LRPPRC: variants seen among roughly 807,000 people sequenced by gnomAD.
LRPPRC encodes the protein leucine rich pentatricopeptide repeat containing.
A neutral mutation model predicts 180.3 loss-of-function variants in LRPPRC; 120 were observed. The ratio of observed to expected loss-of-function variants is 0.67; its 90% CI spans 0.57 to 0.77. LRPPRC has a LOEUF of 0.77. Ranked by LOEUF, LRPPRC falls within the 30% of genes least tolerant of loss-of-function variation. LRPPRC has a pLI of 0.00. For synonymous variants in LRPPRC, 723 were observed against 600.0 expected, an observed-to-expected ratio of 1.21 and a Z score of -3.00; for missense variants, 2,012 against 1,657.2, an observed-to-expected ratio of 1.21 and a Z score of -3.72.
chr2:43,909,923 G>A (rs1671198613), intron 30 of LRPPRC, among the ~76,000 whole-genome samples: 1 of 152,160 alleles, frequency 6.6e-6, no homozygotes, highest in South Asian at 2.1e-4. Context: ...AACCTTGGTA[G>A]ATCAAGATCC....
rs140977797 is a variant in LRPPRC at position 43,887,916 on chromosome 2, C to A, written c.*684G>T. 2.0e-5 allele frequency: 3 copies of A among 152,562 alleles called. No homozygotes were observed. The highest frequency in any genetic ancestry group is 2.0e-4 in the Admixed American group (3 of 15,296). The allele number at this position is 152,562 out of a possible 1,614,324, so 9.5% of individuals were successfully genotyped here. On this transcript the variant is annotated 3_prime_UTR_variant, in exon 38 of 38. Transcript: ENST00000260665. ...TGAGAGGAAACACATTGCTCTACTT[C>A]GGGATAAGTCATGACCGAGACTCAA...
At chr2:43,931,309 G>A (rs1289643554) in intron 25 of LRPPRC, among the ~76,000 whole-genome samples, 1 of 152,128 alleles carries the variant, frequency 6.6e-6, no homozygotes, top group Non-Finnish European at 1.5e-5. Context: ...AGCCTACAGA[G>A]GATGTATCTG....
At chr2:43,923,366 C>T (rs779189038) in intron 27 of LRPPRC, among the ~76,000 whole-genome samples, 1 of 152,024 alleles carries the variant, frequency 6.6e-6, no homozygotes, top group Non-Finnish European at 1.5e-5. Flanking sequence ...GTGGCACATG[C>T]CTGTACTCCC....
rs555644282 is a variant in LRPPRC, at chr2:43,937,448, C to T, written c.2505-2570G>A. Among the ~76,000 whole-genome samples, 3 of 152,208 alleles carry T rather than the reference C, an allele frequency of 2.0e-5. No individual in the cohort carries two copies. The South Asian group carries it at 6.2e-4, about 32-fold the overall frequency. ...TTTAAAAGACAAAAATTTACATTCC[C>T]CACATAATTTATGTCACTATTAATC... On this transcript the variant is annotated intron_variant, in intron 23 of 37. Coordinates refer to ENST00000260665, the MANE Select transcript of LRPPRC (RefSeq NM_133259.4).
At chr2:43,907,613 T>C (rs979064192) in intron 30 of LRPPRC, among the ~76,000 whole-genome samples, 4 of 152,178 alleles carry the variant, frequency 2.6e-5, no homozygotes, top group Admixed American at 2.0e-4. Context: ...ATATTTTATT[T>C]TAACTAATTT....
intron 27 of LRPPRC, among the ~76,000 whole-genome samples, chr2:43,922,300 A>T (rs1392966392): frequency 2.6e-5 from 4 of 152,246 alleles, no homozygotes; most frequent in Admixed American, 2.0e-4. Flanking sequence ...GCTGAGCTAC[A>T]TATCTTTGTT....
intron 12 of LRPPRC, 36 bp from the exon 13 acceptor site, chr2:43,960,670 C>A: frequency 1.0e-6 from 1 of 957,534 alleles, no homozygotes. Flanking sequence ...GAATACATCT[C>A]AGCTAACAAT....
At chr2:43,991,793 A>T (rs1367750370) in intron 1 of LRPPRC, among the ~76,000 whole-genome samples, 1 of 152,216 alleles carries the variant, frequency 6.6e-6, no homozygotes, top group Non-Finnish European at 1.5e-5. Context: ...ATGTCTAATA[A>T]TTTCACTCAC....
chr2:43,942,338 T>C (rs1293068330), intron 23 of LRPPRC, among the ~76,000 whole-genome samples: 2 of 152,128 alleles, frequency 1.3e-5, no homozygotes, highest in Non-Finnish European at 1.5e-5. Flanking sequence ...TTTTAAGCAA[T>C]TGAAAAAAAT....
Position 43,925,137 on chromosome 2 carries a change from T to G in LRPPRC, c.2826A>C (p.Leu942Phe), listed in dbSNP as rs1372761310. ...ANNQVETLEK[L>F]VELTQKLFEC... Reference sequence around the variant, plus strand: ...CAAATAGCTTCTGTGTCAGCTCCACTAATTTTTCCAGAGTTTCAACCTTAA... The same window carrying G: ...CAAATAGCTTCTGTGTCAGCTCCACGAATTTTTCCAGAGTTTCAACCTTAA... The change falls in exon 27 of 38, where the codon TTA (leucine) becomes TTC (phenylalanine). Residue 942 changes from leucine (L) to phenylalanine (F), a missense_variant. Physicochemically the swap from Leu to Phe is conservative, Grantham distance 22 (BLOSUM62 0). Coordinates refer to ENST00000260665, the MANE Select transcript of LRPPRC (RefSeq NM_133259.4). 6.3e-7 allele frequency: 1 copy of G among 1,594,508 alleles called. No individual in the cohort carries two copies. The highest frequency in any genetic ancestry group is 1.3e-5 in the African/African-American group (1 of 74,510).
intron 37 of LRPPRC, 132 bp downstream of exon 37, chr2:43,889,602 C>T (rs899728817): frequency 7.5e-6 from 6 of 801,402 alleles, no homozygotes; most frequent in African/African-American, 6.8e-5. Flanking sequence ...TCCCTCAAGC[C>T]ATCCCCTGAG....
At chr2:43,947,959 T>C (rs1416674870) in intron 18 of LRPPRC, among the ~76,000 whole-genome samples, 163 bp downstream of exon 18, 2 of 152,106 alleles carry the variant, frequency 1.3e-5, no homozygotes, top group East Asian at 1.9e-4. Flanking sequence ...TTTATGAATA[T>C]ATAAATAGTA....
chr2:43,938,826 T>C (rs1419727575), intron 23 of LRPPRC, among the ~76,000 whole-genome samples: 2 of 152,184 alleles, frequency 1.3e-5, no homozygotes, highest in Non-Finnish European at 1.5e-5. Context: ...TCAATACATA[T>C]ACCTGTAAAA....
At chr2:43,947,603 A>G in intron 19 of LRPPRC, 128 bp downstream of exon 19, 1 of 703,110 alleles carries the variant, frequency 1.4e-6, no homozygotes, top group Non-Finnish European at 2.5e-6. Context: ...AACAGGTTTT[A>G]CCAACTTCTT....
chr2:43,955,011 C>T (rs1673048844), intron 14 of LRPPRC, among the ~76,000 whole-genome samples: 1 of 152,114 alleles, frequency 6.6e-6, no homozygotes, highest in Non-Finnish European at 1.5e-5. Flanking sequence ...AGGATACACT[C>T]CAGGCTCTTA....
In LRPPRC at chr2:43,982,249, G is replaced by C; in HGVS notation, c.335C>G (p.Thr112Ser). Reference sequence around the variant, plus strand: ...AAATTTTGAAATACCTGAGCGGCAGGTATCATTAAAAACTTTTTGTAGAAG... The same window carrying C: ...AAATTTTGAAATACCTGAGCGGCAGCTATCATTAAAAACTTTTTGTAGAAG... ...KKLLQKVFND[T>S]CRSGGLGGSH... is the part of the protein sequence containing the mutation. Residue 112 changes from threonine (T) to serine (S), a missense_variant, in exon 2 of 38, where the codon ACC becomes AGC. By Grantham distance (58) the Thr-to-Ser change is moderately conservative. Coordinates refer to ENST00000260665, the MANE Select transcript of LRPPRC (RefSeq NM_133259.4). 6.4e-7 allele frequency: 1 copy of C among 1,570,132 alleles called. No individual in the cohort carries two copies. Among genetic ancestry groups the C allele is most frequent in the South Asian group, 1.2e-5 (1 of 83,558 alleles).
chr2:43,909,976 C>G (rs1386183297), intron 30 of LRPPRC, among the ~76,000 whole-genome samples: 1 of 152,054 alleles, frequency 6.6e-6, no homozygotes, highest in African/African-American at 2.4e-5. Context: ...CATAGACAAC[C>G]CAATCCACAG....
intron 14 of LRPPRC, among the ~76,000 whole-genome samples, chr2:43,953,301 T>G (rs1270073827): frequency 6.6e-6 from 1 of 152,210 alleles, no homozygotes; most frequent in Non-Finnish European, 1.5e-5. Context: ...CATATTCTTA[T>G]GAAAAATGCC....
At chr2:43,980,045 T>C in intron 2 of LRPPRC, 97 bp from the exon 3 acceptor site, 1 of 1,212,304 alleles carries the variant, frequency 8.2e-7, no homozygotes, top group Non-Finnish European at 1.2e-6. Context: ...CATTCAAAAA[T>C]CTTCTGGCTC....
Sources: allele counts gnomAD v4.1 joint callset (sites outside exome capture counted in the v4.1 genomes callset), GRCh38; gene constraint gnomAD v4.1.1; transcripts MANE v1.5; gene names NCBI Gene and HGNC (gene_info 2026-07-23, HGNC 2026-07-21).